The following GALNTL6 variants were observed in gnomAD, a reference collection of about 807,000 sequenced individuals.
The protein encoded by GALNTL6 is polypeptide N-acetylgalactosaminyltransferase like 6, also known as polypeptide N-acetylgalactosaminyltransferase-like 6.
In GALNTL6, 46 loss-of-function variants were observed where a neutral mutation model predicts 73.7. The observed-to-expected ratio is 0.62, with a 90% CI of 0.49 to 0.80. GALNTL6 has a LOEUF of 0.80. GALNTL6 is among the 30% of genes least tolerant of loss of function. The pLI is 0.00. For synonymous variants in GALNTL6, 259 were observed against 263.7 expected, an observed-to-expected ratio of 0.98 and a Z score of 0.17; for missense variants, 604 against 755.0, an observed-to-expected ratio of 0.80 and a Z score of 2.34.
At chr4:172,375,921 C>T (rs1579009970) in intron 5 of GALNTL6, among the ~76,000 whole-genome samples, 1 of 152,166 alleles carries the variant, frequency 6.6e-6, no homozygotes, top group East Asian at 1.9e-4. Flanking sequence ...GAGGGCCATA[C>T]CCTGAGGGAG....
intron 7 of GALNTL6, among the ~76,000 whole-genome samples, chr4:172,863,012 A>G (rs1744476633): frequency 6.6e-6 from 1 of 152,188 alleles, no homozygotes; most frequent in African/African-American, 2.4e-5. Flanking sequence ...TATGGAAGGT[A>G]CAGGCCCCAA....
At chr4:172,015,367 G>A (rs950888324) in intron 2 of GALNTL6, among the ~76,000 whole-genome samples, 40 of 152,004 alleles carry the variant, frequency 2.6e-4, no homozygotes, top group East Asian at 1.2e-3. Context: ...ATAGCTACTC[G>A]TGCTTGCTTT....
intron 7 of GALNTL6, among the ~76,000 whole-genome samples, chr4:172,852,371 T>A (rs988698324): frequency 2.6e-5 from 4 of 152,036 alleles, no homozygotes; most frequent in African/African-American, 9.7e-5. Flanking sequence ...GTAGATCACA[T>A]GGAAAAATTA....
chr4:172,891,576 A>G (rs1746032600), intron 8 of GALNTL6, among the ~76,000 whole-genome samples: 1 of 152,002 alleles, frequency 6.6e-6, no homozygotes, highest in African/African-American at 2.4e-5. Context: ...AGATTTATTT[A>G]TTTGCATTGA....
intron 3 of GALNTL6, among the ~76,000 whole-genome samples, chr4:172,282,021 A>T (rs372750012): frequency 6.6e-6 from 1 of 152,184 alleles, no homozygotes; most frequent in African/African-American, 2.4e-5. Context: ...AAATGACACA[A>T]AAAGTACTGG....
intron 5 of GALNTL6, among the ~76,000 whole-genome samples, chr4:172,612,545 C>T (rs532697989): frequency 2.0e-5 from 3 of 152,090 alleles, no homozygotes; most frequent in Admixed American, 6.6e-5. Flanking sequence ...AATTAAGTCA[C>T]GTGGTCATCC....
At chr4:171,989,775 A>T (rs1321425327) in intron 2 of GALNTL6, among the ~76,000 whole-genome samples, 2 of 152,168 alleles carry the variant, frequency 1.3e-5, no homozygotes, top group Non-Finnish European at 2.9e-5. Flanking sequence ...GTATATTGAG[A>T]ATAAGACGGC....
intron 5 of GALNTL6, among the ~76,000 whole-genome samples, chr4:172,354,698 C>T (rs1578987228): frequency 6.6e-6 from 1 of 152,178 alleles, no homozygotes; most frequent in South Asian, 2.1e-4. Flanking sequence ...TATTACCCAC[C>T]AGTAGCAGAA....
At chr4:172,610,834 G>A (rs1738499297) in intron 5 of GALNTL6, among the ~76,000 whole-genome samples, 1 of 152,004 alleles carries the variant, frequency 6.6e-6, no homozygotes, top group South Asian at 2.1e-4. Context: ...CTTTTTATAG[G>A]TCTCTAAGAA....
chr4:173,019,741 A>C (rs1047141056), intron 11 of GALNTL6, among the ~76,000 whole-genome samples: 1 of 152,220 alleles, frequency 6.6e-6, no homozygotes, highest in African/African-American at 2.4e-5. Context: ...CAGAGTACGC[A>C]GTGGCCATGA....
intron 3 of GALNTL6, among the ~76,000 whole-genome samples, chr4:172,292,770 A>G (rs1400420041): frequency 6.6e-6 from 1 of 152,168 alleles, no homozygotes; most frequent in Non-Finnish European, 1.5e-5. Flanking sequence ...GGATTTATTA[A>G]TAGTTATCCT....
intron 5 of GALNTL6, among the ~76,000 whole-genome samples, chr4:172,730,778 G>T (rs894278149): frequency 4.6e-5 from 7 of 152,090 alleles, no homozygotes; most frequent in Non-Finnish European, 8.8e-5. Context: ...TCAAATTTTT[G>T]TAAGAGTTTG....
chr4:172,142,982 T>G (rs1057505642), intron 2 of GALNTL6, among the ~76,000 whole-genome samples: 6 of 151,978 alleles, frequency 3.9e-5, no homozygotes, highest in Non-Finnish European at 8.8e-5. Flanking sequence ...ATTCTCATAT[T>G]TAATGTATGT....
At chr4:172,705,843 G>A (rs967248518) in intron 5 of GALNTL6, among the ~76,000 whole-genome samples, 2 of 152,074 alleles carry the variant, frequency 1.3e-5, no homozygotes, top group African/African-American at 4.8e-5. Flanking sequence ...TCTGTTGCCA[G>A]ACAAATCAGA....
intron 10 of GALNTL6, among the ~76,000 whole-genome samples, chr4:172,956,357 A>G (rs1735735834): frequency 6.6e-6 from 1 of 152,216 alleles, no homozygotes; most frequent in Non-Finnish European, 1.5e-5. Context: ...GGAATAAGAC[A>G]AGGAGAAAAA....
chr4:172,469,898 C>T (rs1579101573), intron 5 of GALNTL6, among the ~76,000 whole-genome samples: 1 of 152,256 alleles, frequency 6.6e-6, no homozygotes, highest in East Asian at 1.9e-4. Flanking sequence ...CCTAGGCAGC[C>T]AGTAGTGAAC....
intron 4 of GALNTL6, among the ~76,000 whole-genome samples, chr4:172,326,668 T>C (rs1344684930): frequency 6.6e-6 from 1 of 151,984 alleles, no homozygotes; most frequent in African/African-American, 2.4e-5. Flanking sequence ...AGACTACTTA[T>C]AGTCAATGTG....
At chr4:172,081,362 G>A (rs949114150) in intron 2 of GALNTL6, among the ~76,000 whole-genome samples, 55 of 152,336 alleles carry the variant, frequency 3.6e-4, no homozygotes, top group African/African-American at 1.3e-3. Context: ...CAACCTGGGT[G>A]GGCATGGTGG....
chr4:172,401,948 AGGGG>A (rs60568270), intron 5 of GALNTL6, among the ~76,000 whole-genome samples: 1 of 46,422 alleles, frequency 2.2e-5, no homozygotes. Flanking sequence ...GGAAAGGGGG[AGGGG>A]GGAGAGAGAG....
Sources: gnomAD v4.1 joint callset for allele counts (sites outside exome capture counted in the v4.1 genomes callset) on GRCh38, gnomAD v4.1.1 for gene constraint, MANE v1.5 for transcripts, NCBI Gene and HGNC (gene_info 2026-07-23, HGNC 2026-07-21) for gene names.